The following CCDC7 variants were observed in gnomAD, a reference collection of about 807,000 sequenced individuals.
CCDC7 encodes coiled-coil domain-containing protein 7.
In CCDC7, 183 loss-of-function variants were observed where a neutral mutation model predicts 196.9. The ratio of observed to expected loss-of-function variants is 0.93; its 90% CI spans 0.82 to 1.05. The LOEUF (loss-of-function observed/expected upper bound fraction) is 1.05, where lower values mean the gene tolerates loss of function less well. CCDC7 is among the 50% of genes least tolerant of loss of function. CCDC7 has a pLI of 0.00. For synonymous variants in CCDC7, 525 were observed against 484.6 expected (o/e 1.08, Z -1.10); for missense variants, 1,540 against 1,482.2 (o/e 1.04, Z -0.64).
intron 18 of CCDC7, among the ~76,000 whole-genome samples, chr10:32,602,519 G>A (rs2061160183): frequency 6.6e-6 from 1 of 152,082 alleles, no homozygotes; most frequent in South Asian, 2.1e-4. Context: ...CCATTTTTCT[G>A]ACATCACTAT....
chr10:32,598,455 G>T (rs1000827720), intron 18 of CCDC7, among the ~76,000 whole-genome samples: 4 of 152,094 alleles, frequency 2.6e-5, no homozygotes, highest in African/African-American at 9.7e-5. Context: ...GAGCTTCCAG[G>T]GTGAGGCGAT....
chr10:32,739,281 C>T, intron 28 of CCDC7, among the ~76,000 whole-genome samples: 1 of 150,714 alleles, frequency 6.6e-6, no homozygotes, highest in East Asian at 1.9e-4. Context: ...CGTATTATAC[C>T]TTTTGTAATT....
chr10:32,574,652 C>G, intron 16 of CCDC7: 1 of 402,872 alleles, frequency 2.5e-6, no homozygotes, highest in Non-Finnish European at 4.0e-6. Flanking sequence ...TGTTTCACAT[C>G]ATGTGCGTTG....
chr10:32,714,289 G>T (rs2081269898), intron 25 of CCDC7, among the ~76,000 whole-genome samples: 1 of 152,204 alleles, frequency 6.6e-6, no homozygotes, highest in East Asian at 1.9e-4. Flanking sequence ...CACCCAGGAA[G>T]TGCAAGGGGT....
chr10:32,724,700 C>T (rs2082870969), intron 25 of CCDC7, among the ~76,000 whole-genome samples: 1 of 152,114 alleles, frequency 6.6e-6, no homozygotes, highest in African/African-American at 2.4e-5. Context: ...GGCTCCCCAG[C>T]AAGGTCATCT....
intron 33 of CCDC7, 44 bp from the exon 35 acceptor site, chr10:32,845,199 T>A (rs750387617): frequency 4.9e-6 from 6 of 1,234,298 alleles, no homozygotes; most frequent in Middle Eastern, 2.1e-4. Context: ...GATTTGGTAA[T>A]GTTTACCTTT....
intron 11 of CCDC7, among the ~76,000 whole-genome samples, chr10:32,529,460 C>A (rs960338208): frequency 2.6e-5 from 4 of 152,144 alleles, no homozygotes; most frequent in African/African-American, 9.7e-5. Context: ...TTGATTATGG[C>A]CATTCTTGCA....
intron 9 of CCDC7, among the ~76,000 whole-genome samples, chr10:32,504,777 G>A (rs1251923755): frequency 6.6e-6 from 1 of 152,100 alleles, no homozygotes; most frequent in African/African-American, 2.4e-5. Flanking sequence ...TACTTGATAT[G>A]ACTTCAGTCT....
chr10:32,596,114 G>A (rs926589024), intron 18 of CCDC7, among the ~76,000 whole-genome samples: 2 of 151,962 alleles, frequency 1.3e-5, no homozygotes, highest in African/African-American at 4.8e-5. Context: ...CTTTCTGTCT[G>A]GTCGATCTGT....
rs2059777670 is a variant in CCDC7, at chr10:32,591,497, CTTGTTTTT to C, written c.1801+7200_1801+7207del. 2.0e-5 allele frequency among the ~76,000 whole-genome samples: 3 copies of C among 148,916 alleles called. No homozygotes were observed. In the Admixed American group the frequency reaches 2.1e-4, roughly 10 times the overall value. ...AGAGTTTTTGTTAGTTTCCTTTTTG[CTTGTTTTT>C]TTGTTTGTTTGTTTGTGCAATCAGT... is the stretch of plus-strand genomic sequence containing the variant. On this transcript the variant is annotated intron_variant, in intron 18 of 41. Coordinates refer to ENST00000639629, the Ensembl canonical transcript of CCDC7.
intron 32 of CCDC7, among the ~76,000 whole-genome samples, chr10:32,826,807 CT>C (rs1353351291): frequency 3.9e-5 from 6 of 152,234 alleles, no homozygotes; most frequent in African/African-American, 1.4e-4. Context: ...GAAGGGAAAT[CT>C]TCTCAGTGGA....
chr10:32,838,729 A>C (rs2092785559), intron 33 of CCDC7, among the ~76,000 whole-genome samples: 1 of 152,060 alleles, frequency 6.6e-6, no homozygotes, highest in South Asian at 2.1e-4. Flanking sequence ...AAGAGCTGCG[A>C]GGCAAAAGCA....
intron 13 of CCDC7, among the ~76,000 whole-genome samples, chr10:32,552,121 T>A (rs1391255722): frequency 6.6e-6 from 1 of 152,238 alleles, no homozygotes; most frequent in Admixed American, 6.5e-5. Context: ...GATATTTTCC[T>A]GTTGGACAAG....
chr10:32,792,060 G>A (rs2082785486), intron 29 of CCDC7, among the ~76,000 whole-genome samples: 1 of 151,754 alleles, frequency 6.6e-6, no homozygotes, highest in East Asian at 1.9e-4. Context: ...TGTTCAAAGT[G>A]CTAAAAGAAA....
At position 32,470,883 on chromosome 10, in the gene CCDC7, A is replaced by G. The variant is rs568669828; in HGVS notation, c.511-181A>G. Among the ~76,000 whole-genome samples, 138 of 152,292 alleles carry G rather than the reference A, an allele frequency of 9.1e-4. 1 individual carries two copies. The highest frequency in any genetic ancestry group is 1.2e-4 in the Non-Finnish European group (8 of 68,010). ...AAAGCCATCACTGAGCTATAGTTCT[A>G]TTCATAGATAATTGCTCATATAAAT... On this transcript the variant is annotated intron_variant, in intron 5 of 41. Transcript: ENST00000639629.
chr10:32,777,736 C>T (rs564203048), intron 28 of CCDC7, among the ~76,000 whole-genome samples: 11 of 151,832 alleles, frequency 7.2e-5, no homozygotes, highest in African/African-American at 2.2e-4. Context: ...TGGTGGCATG[C>T]GCCTGTAATC....
chr10:32,781,585 A>G (rs2081069497), intron 29 of CCDC7, among the ~76,000 whole-genome samples: 1 of 152,222 alleles, frequency 6.6e-6, no homozygotes, highest in African/African-American at 2.4e-5. Flanking sequence ...ATGCAGACAA[A>G]GCATTTGACC....
chr10:32,580,083 G>A (rs865864625), intron 16 of CCDC7, among the ~76,000 whole-genome samples: 50 of 152,180 alleles, frequency 3.3e-4, no homozygotes, highest in Middle Eastern at 6.8e-3. Flanking sequence ...GATATTAACC[G>A]AGGCCATTCA....
intron 20 of CCDC7, among the ~76,000 whole-genome samples, chr10:32,660,774 A>G (rs1300522755): frequency 1.1e-4 from 16 of 150,802 alleles, no homozygotes; most frequent in South Asian, 2.1e-4. Context: ...CTAGCCATAT[A>G]TAGAAAGCTG....
Sources: allele counts gnomAD v4.1 joint callset (sites outside exome capture counted in the v4.1 genomes callset), GRCh38; gene constraint gnomAD v4.1.1; transcripts MANE v1.5; gene names NCBI Gene and HGNC (gene_info 2026-07-23, HGNC 2026-07-21).